TNRC6B: variants seen among roughly 807,000 people sequenced by gnomAD.
TNRC6B encodes the protein trinucleotide repeat containing adaptor 6B.
In TNRC6B, 52 loss-of-function variants were observed where a neutral mutation model predicts 203.6. The observed-to-expected ratio is 0.26, with a 90% CI of 0.20 to 0.32. TNRC6B has a LOEUF of 0.32. Among genes scored for constraint, TNRC6B ranks in the 10% least tolerant of loss-of-function variants. TNRC6B has a pLI of 1.00. For missense variants in TNRC6B, 1,923 were observed against 2,286.2 expected (o/e 0.84, Z 3.24); for synonymous variants, 838 against 845.7 (o/e 0.99, Z 0.16).
intron 3 of TNRC6B, among the ~76,000 whole-genome samples, chr22:40,148,660 A>ACGTC (rs1454412898): frequency 6.6e-6 from 1 of 150,810 alleles, no homozygotes; most frequent in African/African-American, 2.5e-5. Context: ...GAGTTGAATT[A>ACGTC]TGTTGAAATA....
In TNRC6B at chr22:40,326,719, G is replaced by T. The variant is rs529598758; in HGVS notation, c.*3478G>T. 1 of 152,636 alleles carries T rather than the reference G, an allele frequency of 6.6e-6. No homozygotes were observed. The highest frequency in any genetic ancestry group is 1.9e-4 in the East Asian group (1 of 5,190). The allele number at this position is 152,636 out of a possible 1,614,324, so 9.5% of individuals were successfully genotyped here. On this transcript the variant is annotated 3_prime_UTR_variant, in exon 23 of 23. Coordinates refer to ENST00000454349, the MANE Select transcript of TNRC6B (RefSeq NM_001162501.2). Reference sequence around the variant, plus strand: ...TAAAATAGTACAGTTGGATTGCTGAGAATCTATGTAAAGAGTTAGGAAATA... The same window carrying T: ...TAAAATAGTACAGTTGGATTGCTGATAATCTATGTAAAGAGTTAGGAAATA...
chr22:40,140,956 ATATTCTT>A (rs1288613494), intron 3 of TNRC6B, among the ~76,000 whole-genome samples: 2 of 152,042 alleles, frequency 1.3e-5, no homozygotes, highest in African/African-American at 2.4e-5. Flanking sequence ...TTATATTTTT[ATATTCTT>A]TATTCTTGTA....
chr22:40,270,033 G>A, intron 5 of TNRC6B, 89 bp from the exon 6 acceptor site: 1 of 1,285,090 alleles, frequency 7.8e-7, no homozygotes, highest in African/African-American at 1.5e-5. Flanking sequence ...CAGAATATAG[G>A]CATGCCTGTT....
intron 3 of TNRC6B, among the ~76,000 whole-genome samples, chr22:40,154,510 G>A (rs774317662): frequency 1.7e-4 from 26 of 150,038 alleles, no homozygotes; most frequent in South Asian, 6.4e-4. Context: ...ATGTATATAC[G>A]TATGTATGCC....
intron 21 of TNRC6B, among the ~76,000 whole-genome samples, chr22:40,320,506 A>G (rs1184087221): frequency 3.9e-5 from 6 of 152,178 alleles, no homozygotes; most frequent in African/African-American, 1.4e-4. Context: ...AAAGATCTTG[A>G]TGCAAAATAA....
At chr22:40,198,526 G>A (rs1156980039) in intron 1 of TNRC6B, among the ~76,000 whole-genome samples, 1 of 151,978 alleles carries the variant, frequency 6.6e-6, no homozygotes, top group African/African-American at 2.4e-5. Context: ...GCCCAGGAGA[G>A]GTGAGAAGGG....
chr22:40,207,079 T>C (rs1162316756), intron 1 of TNRC6B, among the ~76,000 whole-genome samples: 1 of 152,174 alleles, frequency 6.6e-6, no homozygotes, highest in Non-Finnish European at 1.5e-5. Context: ...TAGAGCTGCA[T>C]CACTTCAGTT....
At position 40,126,584 on chromosome 22, in the gene TNRC6B, T is replaced by A. The variant is rs1430130956; in HGVS notation, c.45+722T>A. Among the ~76,000 whole-genome samples the A allele has an allele frequency of 1.3e-4, 17 of 128,844 alleles. 2 individuals are homozygous for A. The highest frequency in any genetic ancestry group is 9.6e-4 in the Admixed American group (13 of 13,540). The allele number at this position is 128,844 out of a possible 152,430, so 84.5% of individuals were successfully genotyped here. On this transcript the variant is annotated intron_variant, in intron 3 of 23. Transcript: ENST00000301923. ...TGCTACAAAGGACGTTATTTAATTTTTTTTTTTTTTTTTTTTTTTTTTTTT... is the reference window on the plus strand; with the variant it reads ...TGCTACAAAGGACGTTATTTAATTTATTTTTTTTTTTTTTTTTTTTTTTTT...
intron 1 of TNRC6B, among the ~76,000 whole-genome samples, chr22:40,082,012 C>T (rs978045526): frequency 4.6e-5 from 7 of 151,586 alleles, no homozygotes; most frequent in East Asian, 1.9e-4. Context: ...ACAAGCTAGC[C>T]GCAGTGCGAG....
At chr22:40,319,486 C>T (rs541186576) in intron 21 of TNRC6B, among the ~76,000 whole-genome samples, 1 of 143,200 alleles carries the variant, frequency 7.0e-6, no homozygotes, top group South Asian at 2.2e-4. Context: ...TGTGCAGTGG[C>T]GCGATCTCCG....
intron 1 of TNRC6B, among the ~76,000 whole-genome samples, chr22:40,179,826 A>G (rs1456654008): frequency 2.0e-5 from 3 of 152,236 alleles, no homozygotes; most frequent in Non-Finnish European, 2.9e-5. Context: ...CTTTGGGCCA[A>G]TTGTGTGTAG....
intron 4 of TNRC6B, 55 bp downstream of exon 4, chr22:40,262,228 G>GTT (rs902040237): frequency 2.6e-5 from 34 of 1,320,978 alleles, no homozygotes; most frequent in Non-Finnish European, 3.0e-5. Context: ...AGAGCACTTT[G>GTT]TTTGCATTGC....
chr22:40,174,169 C>CT (rs879548015), upstream of TNRC6B, among the ~76,000 whole-genome samples: 238 of 142,672 alleles, frequency 1.7e-3, no homozygotes, highest in African/African-American at 3.8e-3. Context: ...TTTTCTTTTT[C>CT]TTTTTTTTTT....
Position 40,287,881 on chromosome 22 carries a change from A to G in TNRC6B, c.3708+2111A>G, listed in dbSNP as rs115084526. Among the ~76,000 whole-genome samples, 309 of 152,326 alleles carry G rather than the reference A, an allele frequency of 2.0e-3. 1 individual carries two copies. The highest frequency in any genetic ancestry group is 7.1e-3 in the African/African-American group (297 of 41,570). On this transcript the variant is annotated intron_variant, in intron 12 of 22. Transcript: ENST00000454349. ...TGTGATAAATGTATAGAAATGTTTA[A>G]CAGAGTTTGGGTAATCGGCTGAGCC... is the stretch of plus-strand genomic sequence containing the variant.
intron 1 of TNRC6B, among the ~76,000 whole-genome samples, chr22:40,187,378 TAC>T (rs1323082323): frequency 6.6e-6 from 1 of 152,168 alleles, no homozygotes. Context: ...TTTATGAAAA[TAC>T]ACAGATTCCA....
chr22:40,188,330 A>G (rs2069230965), intron 1 of TNRC6B, among the ~76,000 whole-genome samples: 1 of 152,224 alleles, frequency 6.6e-6, no homozygotes, highest in African/African-American at 2.4e-5. Context: ...CAGTTGACAT[A>G]GAGAAGCTTA....
chr22:40,237,774 CG>C (rs926706782), intron 1 of TNRC6B, among the ~76,000 whole-genome samples: 6 of 152,070 alleles, frequency 3.9e-5, no homozygotes, highest in African/African-American at 1.4e-4. Context: ...ATGCCCGCTA[CG>C]GACGCCTCAT....
At chr22:40,321,254 G>A (rs370852838) in intron 22 of TNRC6B, 25 bp downstream of exon 22, 74 of 1,609,336 alleles carry the variant, frequency 4.6e-5, no homozygotes, top group South Asian at 8.8e-5. Context: ...CTACACCCAC[G>A]TAGACAAACA....
intron 3 of TNRC6B, among the ~76,000 whole-genome samples, chr22:40,131,538 C>T (rs562684179): frequency 1.3e-5 from 2 of 152,174 alleles, no homozygotes; most frequent in East Asian, 3.9e-4. Context: ...TTCCTCCCCT[C>T]CTCTCTCCTG....
Sources: allele counts gnomAD v4.1 joint callset (sites outside exome capture counted in the v4.1 genomes callset), GRCh38; gene constraint gnomAD v4.1.1; transcripts MANE v1.5; gene names NCBI Gene and HGNC (gene_info 2026-07-23, HGNC 2026-07-21).